NRG1: variants seen among roughly 807,000 people sequenced by gnomAD.
The protein encoded by NRG1 is neuregulin 1.
A neutral mutation model predicts 63.8 loss-of-function variants in NRG1; 18 were observed. The observed-to-expected ratio is 0.28, with a 90% CI of 0.19 to 0.42. NRG1 has a LOEUF of 0.42. Among genes scored for constraint, NRG1 ranks in the 10% least tolerant of loss-of-function variants. The pLI, the probability that NRG1 is intolerant of heterozygous loss-of-function variation, is 1.00. For synonymous variants in NRG1, 302 were observed against 301.3 expected, an observed-to-expected ratio of 1.00 and a Z score of -0.02; for missense variants, 762 against 814.7, an observed-to-expected ratio of 0.94 and a Z score of 0.79.
intron 1 of NRG1, among the ~76,000 whole-genome samples, chr8:32,403,062 G>T (rs1813428509): frequency 6.6e-6 from 1 of 151,770 alleles, no homozygotes; most frequent in African/African-American, 2.4e-5. Flanking sequence ...ACTTTGGGAG[G>T]CCAAGACGGG....
downstream of NRG1, among the ~76,000 whole-genome samples, chr8:32,769,295 A>T (rs1473207189): frequency 6.6e-6 from 1 of 152,176 alleles, no homozygotes; most frequent in Non-Finnish European, 1.5e-5. Context: ...TGTGTGAAGG[A>T]GGTGAGGTGG....
At chr8:32,064,300 A>G (rs2130941488) in intron 1 of NRG1, among the ~76,000 whole-genome samples, 1 of 152,272 alleles carries the variant, frequency 6.6e-6, no homozygotes, top group South Asian at 2.1e-4. Context: ...TGGACCTGGT[A>G]CAAGGAAGTG....
chr8:31,897,718 A>G (rs73244396), intron 1 of NRG1, among the ~76,000 whole-genome samples: 5,590 of 152,182 alleles, frequency 0.037, 137 homozygotes, highest in Non-Finnish European at 0.055. Context: ...ATCCAATTAG[A>G]AAATCTTTGA....
At chr8:32,248,992 A>G (rs1422662175) in intron 1 of NRG1, among the ~76,000 whole-genome samples, 2 of 152,086 alleles carry the variant, frequency 1.3e-5, no homozygotes, top group Non-Finnish European at 2.9e-5. Context: ...CCCCTACAGT[A>G]AAAGTGTTTA....
chr8:32,090,826 T>C (rs1829019658), intron 1 of NRG1, among the ~76,000 whole-genome samples: 1 of 152,154 alleles, frequency 6.6e-6, no homozygotes, highest in Admixed American at 6.5e-5. Flanking sequence ...TTAGTTTATG[T>C]CCAGAGATCT....
chr8:31,791,290 A>G (rs976176006), intron 1 of NRG1, among the ~76,000 whole-genome samples: 20 of 152,072 alleles, frequency 1.3e-4, no homozygotes, highest in Non-Finnish European at 1.8e-4. Context: ...AGATCAGTTG[A>G]TAGTACCTGC....
intron 1 of NRG1, among the ~76,000 whole-genome samples, chr8:32,258,144 A>G (rs1217763892): frequency 6.6e-6 from 1 of 152,156 alleles, no homozygotes; most frequent in Non-Finnish European, 1.5e-5. Context: ...TTTCACCTTC[A>G]TTTATGCACA....
chr8:31,979,903 G>A (rs968620694), intron 1 of NRG1, among the ~76,000 whole-genome samples: 2 of 151,980 alleles, frequency 1.3e-5, no homozygotes, highest in Non-Finnish European at 2.9e-5. Flanking sequence ...GCATCTGATT[G>A]GAATCAGTGG....
rs114364377 is a variant in NRG1, at chr8:32,629,052, T to G, written c.502+12167T>G. ...CCCAGCCCCTGCTTATTTTTTAAGGTTTCTAGAACATTGGCTGTGAACTTT... is the reference window on the plus strand; with the variant it reads ...CCCAGCCCCTGCTTATTTTTTAAGGGTTCTAGAACATTGGCTGTGAACTTT... On this transcript the variant is annotated intron_variant, in intron 5 of 11. Coordinates refer to ENST00000356819, the Ensembl canonical transcript of NRG1. Among the ~76,000 whole-genome samples the G allele has an allele frequency of 4.0e-3, 604 of 152,236 alleles. 7 individuals carry two copies. The highest frequency in any genetic ancestry group is 0.014 in the African/African-American group (587 of 41,530).
At chr8:32,759,877 C>A (rs1830381317) in intron 10 of NRG1, among the ~76,000 whole-genome samples, 1 of 152,156 alleles carries the variant, frequency 6.6e-6, no homozygotes, top group Admixed American at 6.5e-5. Flanking sequence ...AAATGTAGCT[C>A]ATACAAGGAA....
At chr8:32,628,158 A>C (rs1226306755) in intron 5 of NRG1, among the ~76,000 whole-genome samples, 1 of 152,230 alleles carries the variant, frequency 6.6e-6, no homozygotes, top group Admixed American at 6.5e-5. Flanking sequence ...AATATGCCCC[A>C]GCTCTGATGA....
intron 1 of NRG1, among the ~76,000 whole-genome samples, chr8:32,159,482 C>G (rs1425399133): frequency 6.9e-6 from 1 of 143,904 alleles, no homozygotes; most frequent in African/African-American, 2.7e-5. Context: ...TGCAGTGAGC[C>G]GAGATTGCGC....
intron 1 of NRG1, among the ~76,000 whole-genome samples, chr8:32,391,413 G>GAT (rs1811756219): frequency 6.6e-6 from 1 of 152,018 alleles, no homozygotes; most frequent in Non-Finnish European, 1.5e-5. Flanking sequence ...TTGTTATATA[G>GAT]ATAAACTCAT....
chr8:31,648,950 T>A (rs1280433970), intron 1 of NRG1, among the ~76,000 whole-genome samples: 2 of 131,494 alleles, frequency 1.5e-5, no homozygotes, highest in Non-Finnish European at 3.1e-5. Context: ...TTCTTTTTTC[T>A]TTTTTTCTTT....
At chr8:32,250,227 A>G (rs1401704202) in intron 1 of NRG1, among the ~76,000 whole-genome samples, 3 of 152,152 alleles carry the variant, frequency 2.0e-5, no homozygotes, top group Non-Finnish European at 4.4e-5. Flanking sequence ...AACGGTTGAT[A>G]TAAAGCATCT....
intron 1 of NRG1, among the ~76,000 whole-genome samples, chr8:31,977,152 A>G (rs1485145770): frequency 1.3e-5 from 2 of 152,172 alleles, no homozygotes; most frequent in Non-Finnish European, 2.9e-5. Context: ...AATATTTTAA[A>G]AGCAGCTGTA....
intron 1 of NRG1, among the ~76,000 whole-genome samples, chr8:31,940,082 A>G (rs975455109): frequency 2.0e-5 from 3 of 152,130 alleles, no homozygotes; most frequent in African/African-American, 7.2e-5. Context: ...ATTCTACCCA[A>G]CAACTGCAGA....
At chr8:32,672,660 A>T (rs559052007) in intron 5 of NRG1, among the ~76,000 whole-genome samples, 28 of 152,340 alleles carry the variant, frequency 1.8e-4, no homozygotes, top group African/African-American at 6.5e-4. Context: ...GCTTTCTTTA[A>T]TTAGAAAATG....
chr8:32,484,649 T>C (rs1375771080), intron 1 of NRG1, among the ~76,000 whole-genome samples: 2 of 152,142 alleles, frequency 1.3e-5, no homozygotes, highest in Non-Finnish European at 2.9e-5. Flanking sequence ...CTCACTTTTG[T>C]CTTTTTTCTG....
Sources: allele counts gnomAD v4.1 joint callset (sites outside exome capture counted in the v4.1 genomes callset), GRCh38; gene constraint gnomAD v4.1.1; transcripts MANE v1.5; gene names NCBI Gene and HGNC (gene_info 2026-07-23, HGNC 2026-07-21).